B3GALT1: variants seen among roughly 807,000 people sequenced by gnomAD.
B3GALT1 encodes the protein UDP-Gal:betaGlcNAc beta 1,3-galactosyltransferase, polypeptide 1.
B3GALT1 carries 10 observed loss-of-function variants against 23.2 expected under a neutral mutation model. The observed-to-expected ratio is 0.43, with a 90% CI of 0.27 to 0.73. B3GALT1 has a LOEUF of 0.73. Ranked by LOEUF, B3GALT1 falls within the 30% of genes least tolerant of loss-of-function variation. The pLI, the probability that B3GALT1 is intolerant of heterozygous loss-of-function variation, is 0.21. For missense variants in B3GALT1, 299 were observed against 405.4 expected (o/e 0.74, Z 2.25); for synonymous variants, 156 against 141.5 (o/e 1.10, Z -0.73).
intron 1 of B3GALT1, among the ~76,000 whole-genome samples, chr2:167,375,035 T>A (rs1054924460): frequency 2.6e-5 from 4 of 152,162 alleles, no homozygotes; most frequent in Admixed American, 1.3e-4. Context: ...AGGGGTCCAG[T>A]TTCATTCTAC....
At chr2:167,736,739 T>TA (rs999444009) in intron 3 of B3GALT1, among the ~76,000 whole-genome samples, 5 of 151,868 alleles carry the variant, frequency 3.3e-5, no homozygotes, top group South Asian at 2.1e-4. Context: ...CTGTTTCTAC[T>TA]AAAAAAAAGA....
At chr2:167,418,991 G>C (rs1422554058) in intron 1 of B3GALT1, among the ~76,000 whole-genome samples, 3 of 152,176 alleles carry the variant, frequency 2.0e-5, no homozygotes, top group Non-Finnish European at 4.4e-5. Context: ...GCTTCCATTA[G>C]AGTCTCACTG....
At chr2:167,360,220 A>C (rs16853505) in intron 1 of B3GALT1, among the ~76,000 whole-genome samples, 2 of 152,148 alleles carry the variant, frequency 1.3e-5, no homozygotes, top group Non-Finnish European at 2.9e-5. Flanking sequence ...ATATTTTGAC[A>C]TGAGGAATCT....
intron 3 of B3GALT1, among the ~76,000 whole-genome samples, chr2:167,807,895 A>C (rs560710006): frequency 1.5e-3 from 230 of 151,996 alleles, no homozygotes; most frequent in Non-Finnish European, 2.7e-3. Context: ...TAATGTTGAC[A>C]GTGGGGTGTT....
intron 4 of B3GALT1, among the ~76,000 whole-genome samples, chr2:167,866,067 T>A (rs1690211391): frequency 6.6e-6 from 1 of 152,208 alleles, no homozygotes; most frequent in Non-Finnish European, 1.5e-5. Flanking sequence ...TTGCATATGC[T>A]GTTTCCTTTG....
chr2:167,843,104 A>T (rs1689682842), intron 4 of B3GALT1, among the ~76,000 whole-genome samples: 1 of 152,200 alleles, frequency 6.6e-6, no homozygotes, highest in African/African-American at 2.4e-5. Flanking sequence ...GCCTCCTGGA[A>T]TAAGTCCCTT....
intron 1 of B3GALT1, among the ~76,000 whole-genome samples, chr2:167,472,123 T>C (rs1360323278): frequency 1.3e-5 from 2 of 152,218 alleles, no homozygotes; most frequent in East Asian, 1.9e-4. Flanking sequence ...AATTAGTACA[T>C]GTTTGGCTCT....
intron 3 of B3GALT1, among the ~76,000 whole-genome samples, chr2:167,802,046 G>A (rs571433239): frequency 6.6e-5 from 10 of 152,268 alleles, no homozygotes; most frequent in Admixed American, 2.0e-4. Context: ...TTGGAGGCAG[G>A]AGGCAAGAAT....
intron 3 of B3GALT1, among the ~76,000 whole-genome samples, chr2:167,661,102 C>A (rs934698565): frequency 6.6e-6 from 1 of 152,102 alleles, no homozygotes. Flanking sequence ...ATCCTTAATA[C>A]AGGATGGACA....
At chr2:167,621,010 G>A (rs1201165758) in intron 2 of B3GALT1, among the ~76,000 whole-genome samples, 5 of 151,340 alleles carry the variant, frequency 3.3e-5, no homozygotes, top group Non-Finnish European at 1.5e-5. Flanking sequence ...TCATAGTAGA[G>A]AGTTTAGTAT....
intron 1 of B3GALT1, among the ~76,000 whole-genome samples, chr2:167,489,470 G>T (rs1699674068): frequency 6.6e-6 from 1 of 152,168 alleles, no homozygotes; most frequent in South Asian, 2.1e-4. Context: ...GCCAAGTAAA[G>T]CCTGTAGAAA....
intron 3 of B3GALT1, chr2:167,814,826 A>G (rs1230157714): frequency 6.6e-6 from 1 of 152,246 alleles, no homozygotes; most frequent in African/African-American, 2.4e-5. Flanking sequence ...ATATGGAAGC[A>G]ATCTTTCTTC....
At chr2:167,443,069 A>T (rs1399145982) in intron 1 of B3GALT1, among the ~76,000 whole-genome samples, 2 of 151,938 alleles carry the variant, frequency 1.3e-5, no homozygotes, top group African/African-American at 4.8e-5. Flanking sequence ...TAAGGAAGGG[A>T]TCCAGTTTCA....
chr2:167,630,880 G>GTGTA (rs1685428017), intron 2 of B3GALT1, among the ~76,000 whole-genome samples: 1 of 151,610 alleles, frequency 6.6e-6, no homozygotes, highest in South Asian at 2.1e-4. Context: ...TAGTCCCATT[G>GTGTA]TGTACAACTT....
intron 1 of B3GALT1, among the ~76,000 whole-genome samples, chr2:167,407,184 G>T (rs909763729): frequency 3.3e-5 from 5 of 151,934 alleles, no homozygotes; most frequent in African/African-American, 1.2e-4. Context: ...TCAATAACAA[G>T]AGAAACCTCA....
intron 3 of B3GALT1, among the ~76,000 whole-genome samples, chr2:167,720,624 T>C (rs983115768): frequency 6.6e-6 from 1 of 152,212 alleles, no homozygotes; most frequent in African/African-American, 2.4e-5. Flanking sequence ...ACAACCTCAT[T>C]TATTCATTCG....
At chr2:167,832,700 A>G (rs563382949) in intron 4 of B3GALT1, among the ~76,000 whole-genome samples, 4 of 152,360 alleles carry the variant, frequency 2.6e-5, no homozygotes, top group Non-Finnish European at 4.4e-5. Context: ...ATTAGTTACT[A>G]TGCAATTGCA....
chr2:167,716,837 G>GT (rs1316649419), intron 3 of B3GALT1, among the ~76,000 whole-genome samples: 1 of 151,844 alleles, frequency 6.6e-6, no homozygotes, highest in East Asian at 1.9e-4. Flanking sequence ...CTTTTTTATA[G>GT]TTTTTTTGGT....
chr2:167,837,829 C>G (rs1042311456), intron 4 of B3GALT1, among the ~76,000 whole-genome samples: 1 of 151,856 alleles, frequency 6.6e-6, no homozygotes, highest in East Asian at 1.9e-4. Context: ...CAAACTCTCT[C>G]TCAGACCACA....
Sources: gnomAD v4.1 joint callset for allele counts (sites outside exome capture counted in the v4.1 genomes callset) on GRCh38, gnomAD v4.1.1 for gene constraint, MANE v1.5 for transcripts, NCBI Gene and HGNC (gene_info 2026-07-23, HGNC 2026-07-21) for gene names.